Variants in PIK3IP1 observed in about 807,000 individuals in gnomAD.
PIK3IP1 encodes phosphoinositide-3-kinase interacting protein 1, also known as phosphoinositide-3-kinase-interacting protein 1.
PIK3IP1 carries 28 observed loss-of-function variants against 30.7 expected under a neutral mutation model. The ratio of observed to expected loss-of-function variants is 0.91; its 90% CI spans 0.68 to 1.25. The LOEUF (loss-of-function observed/expected upper bound fraction) is 1.25. Ranked by LOEUF, PIK3IP1 falls within the 50% of genes most tolerant of loss-of-function variation. PIK3IP1 has a pLI of 0.00. For synonymous variants in PIK3IP1, 159 were observed against 140.8 expected, an observed-to-expected ratio of 1.13 and a Z score of -0.91; for missense variants, 333 against 346.2, an observed-to-expected ratio of 0.96 and a Z score of 0.30.
intron 1 of PIK3IP1, among the ~76,000 whole-genome samples, chr22:31,291,752 A>AACTCCGGTGTT (rs1018963451): frequency 1.3e-5 from 2 of 151,862 alleles, no homozygotes; most frequent in African/African-American, 4.8e-5. Context: ...ACGTTACATA[A>AACTCCGGTGTT]ACTCCGGTGT....
At chr22:31,284,556 TAGGCCTGCTACACTGACCATC>T (rs1362956151) in intron 5 of PIK3IP1, among the ~76,000 whole-genome samples, 44 of 152,254 alleles carry the variant, frequency 2.9e-4, no homozygotes, top group African/African-American at 1.0e-3. Context: ...GAGAGGCCAC[TAGGCCTGCTACACTGACCATC>T]AGGCAGCCTA....
chr22:31,286,617 G>A (rs942328430), intron 5 of PIK3IP1, among the ~76,000 whole-genome samples: 1 of 152,152 alleles, frequency 6.6e-6, no homozygotes, highest in African/African-American at 2.4e-5. Flanking sequence ...ACAGCCTAGA[G>A]GAACAAATCT....
intron 5 of PIK3IP1, among the ~76,000 whole-genome samples, chr22:31,286,524 G>A (rs1163151794): frequency 2.0e-5 from 3 of 152,312 alleles, no homozygotes; most frequent in East Asian, 1.9e-4. Flanking sequence ...TGATCTGGTC[G>A]TTAGTGACGG....
intron 5 of PIK3IP1, among the ~76,000 whole-genome samples, chr22:31,287,163 G>A (rs1032233293): frequency 9.3e-5 from 14 of 150,382 alleles, no homozygotes; most frequent in African/African-American, 2.5e-4. Context: ...GACTACAGGC[G>A]CCCACCACCA....
rs775163681 is a variant in PIK3IP1, at chr22:31,283,241, T to A, written c.635A>T (p.Glu212Val). 2 of 1,614,172 alleles carry A rather than the reference T, an allele frequency of 1.2e-6. No individual in the cohort carries two copies. Among genetic ancestry groups the A allele is most frequent in the South Asian group, 1.1e-5 (1 of 91,084 alleles). ...CAAGGGCAGAGTGATTCGCTGCATC[T>A]CCCTCTCACATACTTTCTGATCATG... ...EQHDQKVCER[E>V]MQRITLPLSA... is the part of the protein sequence containing the mutation. The change falls in exon 6 of 6, where the codon GAG becomes GTG. Residue 212 changes from glutamate (E) to valine (V), a missense_variant. Coordinates refer to ENST00000215912, the MANE Select transcript of PIK3IP1 (RefSeq NM_052880.5).
At chr22:31,284,819 C>G (rs2049119122) in intron 5 of PIK3IP1, among the ~76,000 whole-genome samples, 1 of 152,142 alleles carries the variant, frequency 6.6e-6, no homozygotes, top group Non-Finnish European at 1.5e-5. Flanking sequence ...AACCTCGTGG[C>G]CTAGACTACC....
At position 31,287,941 on chromosome 22, in the gene PIK3IP1, C is replaced by T. The variant is rs551610866; in HGVS notation, c.587+1374G>A. 5.8e-4 allele frequency among the ~76,000 whole-genome samples: 88 copies of T among 152,210 alleles called. 3 individuals carry two copies. In the South Asian group the frequency reaches 0.016, roughly 28 times the overall value. On this transcript the variant is annotated intron_variant, in intron 5 of 5. Coordinates refer to ENST00000215912, the MANE Select transcript of PIK3IP1 (RefSeq NM_052880.5). ...TGTGCTTCAAGCAGTGTCTGGCATA[C>T]GGTACATGTTTGCTACTGCTGTTAT...
intron 3 of PIK3IP1, 146 bp from the exon 4 acceptor site, chr22:31,289,845 G>A (rs956318404): frequency 1.2e-6 from 1 of 836,322 alleles, no homozygotes; most frequent in East Asian, 2.7e-5. Context: ...TTCTGCCCCA[G>A]AGGTAAGATC....
At chr22:31,291,873 C>T (rs1485106172) in intron 1 of PIK3IP1, among the ~76,000 whole-genome samples, 3 of 152,226 alleles carry the variant, frequency 2.0e-5, no homozygotes, top group Non-Finnish European at 4.4e-5. Context: ...TCAAGACAGC[C>T]TCAAACGGAG....
At chr22:31,288,043 T>G (rs2049144883) in intron 5 of PIK3IP1, among the ~76,000 whole-genome samples, 1 of 152,020 alleles carries the variant, frequency 6.6e-6, no homozygotes. Flanking sequence ...CCCTGCTGGG[T>G]GATCCACTGA....
intron 3 of PIK3IP1, chr22:31,290,751 G>GT (rs1415197634): frequency 1.5e-6 from 1 of 664,988 alleles, no homozygotes; most frequent in Non-Finnish European, 2.3e-6. Context: ...CCGCGCAGTT[G>GT]TTTACAAGCG....
intron 5 of PIK3IP1, among the ~76,000 whole-genome samples, chr22:31,286,909 A>C (rs1233183190): frequency 1.3e-5 from 2 of 152,142 alleles, no homozygotes; most frequent in East Asian, 1.9e-4. Context: ...TGTGGGAAAC[A>C]ACCTCAGACT....
At position 31,291,087 on chromosome 22, in the gene PIK3IP1, AAG is replaced by A; in HGVS notation, c.188-5_188-4del. The A allele has an allele frequency of 3.2e-6, 5 of 1,550,112 alleles. No individual in the cohort carries two copies. Among genetic ancestry groups the A allele is most frequent in the African/African-American group, 2.8e-5 (2 of 72,630 alleles). Reference sequence around the variant, plus strand: ...GCAGTAACTGTGATTGCCGGCCCCTAAGAGAGGAGAGAAGGAAATGTGTGCCG... The same window carrying A: ...GCAGTAACTGTGATTGCCGGCCCCTAAGAGGAGAGAAGGAAATGTGTGCCG... On this transcript the variant is annotated splice_region_variant and splice_polypyrimidine_tract_variant and intron_variant, in intron 2 of 5. Transcript: ENST00000215912.
intron 5 of PIK3IP1, among the ~76,000 whole-genome samples, chr22:31,287,023 T>C (rs2049136494): frequency 6.9e-6 from 1 of 145,778 alleles, no homozygotes; most frequent in African/African-American, 2.5e-5. Flanking sequence ...ACTTTTTTTT[T>C]TTTTTTTTTT....
chr22:31,284,668 A>G (rs2049118059), intron 5 of PIK3IP1, among the ~76,000 whole-genome samples: 4 of 152,208 alleles, frequency 2.6e-5, no homozygotes, highest in Admixed American at 2.6e-4. Flanking sequence ...AGGCTTGTTC[A>G]CTGACTTAGT....
At chr22:31,285,706 A>C in intron 5 of PIK3IP1, among the ~76,000 whole-genome samples, 1 of 152,236 alleles carries the variant, frequency 6.6e-6, no homozygotes, top group African/African-American at 2.4e-5. Context: ...TTTGCAATTC[A>C]AAGCAAATTT....
Position 31,291,046 on chromosome 22 carries a change from C to A in PIK3IP1, c.226G>T (p.Asp76Tyr). Residue 76 changes from aspartate (D) to tyrosine (Y), a missense_variant, in exon 3 of 6, where the codon GAC becomes TAC. Asp to Tyr is a radical substitution (Grantham distance 160). Around this residue, in one of 3 missense-constraint regions of PIK3IP1, gnomAD observed 111 missense variants for 100.1 expected, o/e 1.11. Transcript: ENST00000215912. ...NHSYCRNPDE[D>Y]PRGPWCYVSG... ...ACGTAGCACCAGGGCCCGCGCGGGT[C>A]CTCGTCCGGGTTTCGGCAGTAACTG... The A allele has an allele frequency of 6.4e-7, 1 of 1,570,960 alleles. No homozygotes were observed. The highest frequency in any genetic ancestry group is 8.6e-7 in the Non-Finnish European group (1 of 1,157,034).
Position 31,289,317 on chromosome 22 carries a change from C to T in PIK3IP1, c.585G>A (p.Lys195=), listed in dbSNP as rs2049154994. 1 of 1,614,000 alleles carries T rather than the reference C, an allele frequency of 6.2e-7. No homozygotes were observed. The highest frequency in any genetic ancestry group is 1.7e-5 in the Admixed American group (1 of 60,002). ...GAGIILGYSY[K]RGKDLKEQHD... Reference sequence around the variant, plus strand: ...GGCCCAGAAGAGAAGCTACTGACCTCTTGTAGGAGTAGCCCAAGATGATGC... The same window carrying T: ...GGCCCAGAAGAGAAGCTACTGACCTTTTGTAGGAGTAGCCCAAGATGATGC... Residue 195 remains lysine (K), a splice_region_variant and synonymous_variant, in exon 5 of 6, where the codon AAG becomes AAA. Coordinates refer to ENST00000215912, the MANE Select transcript of PIK3IP1 (RefSeq NM_052880.5).
At chr22:31,291,126 G>T (rs756534213) in intron 2 of PIK3IP1, 42 bp from the exon 3 acceptor site, 3 of 1,537,932 alleles carry the variant, frequency 2.0e-6, no homozygotes, top group Admixed American at 4.2e-5. Flanking sequence ...GGCTGGCACC[G>T]GGAACGCGGC....
Sources: allele counts gnomAD v4.1 joint callset (sites outside exome capture counted in the v4.1 genomes callset), GRCh38; gene constraint gnomAD v4.1.1; regional missense constraint gnomAD v4.1.1; transcripts MANE v1.5; gene names NCBI Gene and HGNC (gene_info 2026-07-23, HGNC 2026-07-21).